The following TTC9 variants were observed in gnomAD, a reference collection of about 807,000 sequenced individuals.
The protein encoded by TTC9 is tetratricopeptide repeat domain 9, also known as tetratricopeptide repeat protein 9A.
TTC9 carries 13 observed loss-of-function variants against 22.9 expected under a neutral mutation model. The observed-to-expected ratio is 0.57, with a 90% CI of 0.37 to 0.90. TTC9 has a LOEUF of 0.90. TTC9 is among the 40% of genes least tolerant of loss of function. The pLI is 0.01. For missense variants in TTC9, 280 were observed against 291.8 expected, an observed-to-expected ratio of 0.96 and a Z score of 0.29; for synonymous variants, 148 against 133.2, an observed-to-expected ratio of 1.11 and a Z score of -0.77.
At position 70,667,697 on chromosome 14, in the gene TTC9, T is replaced by C; in HGVS notation, c.540T>C (p.Tyr180=). The C allele has an allele frequency of 6.2e-7, 1 of 1,613,254 alleles. No homozygotes were observed. The highest frequency in any genetic ancestry group is 8.5e-7 in the Non-Finnish European group (1 of 1,179,532). The change falls in exon 2 of 3, where the codon TAT becomes TAC. Residue 180 remains tyrosine (Y), a synonymous_variant. Coordinates refer to ENST00000256367, the MANE Select transcript of TTC9 (RefSeq NM_015351.2). ...TGGCCTTCTACCACCTTGGGGACTA[T>C]GACAAAGCACTCTACTACCTGAAAG... is the stretch of plus-strand genomic sequence containing the variant. ...SGVAFYHLGD[Y]DKALYYLKEA... is the part of the protein sequence containing the mutation.
chr14:70,642,600 C>T, intron 1 of TTC9, 65 bp downstream of exon 1: 1 of 1,421,310 alleles, frequency 7.0e-7, no homozygotes, highest in Non-Finnish European at 9.4e-7. Flanking sequence ...CCGCGGACCA[C>T]TGCGGCGCTC....
chr14:70,642,300 G>A lies in TTC9; in HGVS notation c.171G>A (p.Ala57=), dbSNP rs779685717. 10 of 1,548,318 alleles carry A rather than the reference G, an allele frequency of 6.5e-6. No individual in the cohort carries two copies. ...AAEPAELIRR[A]HEFKSQGAQC... Reference sequence around the variant, plus strand: ...AGCCGGCCGAGCTCATCCGACGAGCGCACGAGTTCAAAAGCCAAGGGGCGC... The same window carrying A: ...AGCCGGCCGAGCTCATCCGACGAGCACACGAGTTCAAAAGCCAAGGGGCGC... The change falls in exon 1 of 3, where the codon GCG becomes GCA. Residue 57 remains alanine (A), a synonymous_variant. Transcript: ENST00000256367.
intron 1 of TTC9, among the ~76,000 whole-genome samples, chr14:70,660,165 G>A (rs1249328734): frequency 6.6e-6 from 1 of 152,156 alleles, no homozygotes; most frequent in African/African-American, 2.4e-5. Context: ...CTTGGCCGGG[G>A]TTCTTATTCT....
At chr14:70,643,861 G>T (rs537483791) in intron 1 of TTC9, among the ~76,000 whole-genome samples, 11 of 152,294 alleles carry the variant, frequency 7.2e-5, no homozygotes, top group Non-Finnish European at 1.5e-4. Context: ...CAGACTTAAA[G>T]GATTAATAGA....
chr14:70,668,419 G>A (rs997091829), intron 2 of TTC9, among the ~76,000 whole-genome samples: 8 of 152,188 alleles, frequency 5.3e-5, no homozygotes, highest in African/African-American at 1.7e-4. Flanking sequence ...GTGGAGAGGG[G>A]ACAGAACCCA....
intron 2 of TTC9, among the ~76,000 whole-genome samples, chr14:70,668,182 G>A (rs1198870086): frequency 6.6e-6 from 1 of 152,182 alleles, no homozygotes; most frequent in Non-Finnish European, 1.5e-5. Context: ...GCACCTTTCA[G>A]GAAGCATGCT....
intron 2 of TTC9, among the ~76,000 whole-genome samples, chr14:70,668,370 A>G (rs1308908507): frequency 6.6e-6 from 1 of 152,206 alleles, no homozygotes; most frequent in Non-Finnish European, 1.5e-5. Flanking sequence ...AGCTTATATT[A>G]TAATGGCTCA....
chr14:70,666,901 G>A (rs1481855268), intron 1 of TTC9, among the ~76,000 whole-genome samples: 1 of 152,166 alleles, frequency 6.6e-6, no homozygotes, highest in Non-Finnish European at 1.5e-5. Context: ...ATTGCCTCTG[G>A]TAGCTTATTC....
At chr14:70,646,664 C>T (rs1885905993) in intron 1 of TTC9, among the ~76,000 whole-genome samples, 1 of 152,298 alleles carries the variant, frequency 6.6e-6, no homozygotes, top group African/African-American at 2.4e-5. Flanking sequence ...GGATAAGCCC[C>T]TGCCATTTTA....
chr14:70,667,434 C>G (rs1886230537), intron 1 of TTC9, 130 bp from the exon 2 acceptor site: 1 of 929,720 alleles, frequency 1.1e-6, no homozygotes, highest in Non-Finnish European at 1.6e-6. Context: ...TATTGGAAGA[C>G]AAATCCCAAG....
At chr14:70,654,587 C>CAAAAAAAAAAAAAAAAAAAAAAAAAA (rs61046584) in intron 1 of TTC9, among the ~76,000 whole-genome samples, 1 of 57,166 alleles carries the variant, frequency 1.7e-5, no homozygotes, top group Non-Finnish European at 3.1e-5. Context: ...GGCTCTGTCT[C>CAAAAAAAAAAAAAAAAAAAAAAAAAA]AAAAAAAAAA....
chr14:70,654,289 A>G (rs1337626827), intron 1 of TTC9, among the ~76,000 whole-genome samples: 1 of 152,032 alleles, frequency 6.6e-6, no homozygotes, highest in Non-Finnish European at 1.5e-5. Context: ...GTTAGTGGTG[A>G]CTTTTTAAAA....
Position 70,641,986 on chromosome 14 carries a change from C to T in TTC9, c.-144C>T. On this transcript the variant is annotated 5_prime_UTR_variant, in exon 1 of 3. Coordinates refer to ENST00000256367, the MANE Select transcript of TTC9 (RefSeq NM_015351.2). The stretch of plus-strand genomic sequence containing the variant: ...CGGGGAGAATGGGAGTGCGGGGCGC[C>T]AGACCGCCGCGGGGTGTCACGGCCG... 2.3e-6 allele frequency: 1 copy of T among 436,626 alleles called. No homozygotes were observed. The highest frequency in any genetic ancestry group is 3.1e-6 in the Non-Finnish European group (1 of 325,528). The allele number at this position is 436,626 out of a possible 1,614,324, so 27.0% of individuals were successfully genotyped here.
intron 2 of TTC9, among the ~76,000 whole-genome samples, chr14:70,670,222 T>C (rs1886272806): frequency 6.6e-6 from 1 of 152,242 alleles, no homozygotes. Flanking sequence ...TGTGTCTCCT[T>C]GGCATCTGAC....
chr14:70,645,067 G>A (rs772257874), intron 1 of TTC9, among the ~76,000 whole-genome samples: 6 of 152,018 alleles, frequency 3.9e-5, no homozygotes, highest in African/African-American at 7.3e-5. Context: ...AGCCGAGATC[G>A]TGCCACTGTA....
chr14:70,659,132 G>GCGCGCGCACACACACACACACACA (rs762892061), intron 1 of TTC9, among the ~76,000 whole-genome samples: 1 of 144,226 alleles, frequency 6.9e-6, no homozygotes, highest in African/African-American at 2.6e-5. Context: ...ACACACACAC[G>GCGCGCGCACACACACACACACACA]CACACACACA....
chr14:70,667,467 C>T (rs1414315623), intron 1 of TTC9, 97 bp from the exon 2 acceptor site: 1 of 1,373,100 alleles, frequency 7.3e-7, no homozygotes, highest in Non-Finnish European at 1.0e-6. Flanking sequence ...GTGGAAAACC[C>T]CAACCCTGCT....
At chr14:70,659,132 G>GCACACA (rs71105721) in intron 1 of TTC9, among the ~76,000 whole-genome samples, 33 of 144,324 alleles carry the variant, frequency 2.3e-4, no homozygotes, top group African/African-American at 7.2e-4. Flanking sequence ...ACACACACAC[G>GCACACA]CACACACACA....
chr14:70,655,890 A>G (rs1322621829), intron 1 of TTC9, among the ~76,000 whole-genome samples: 2 of 152,058 alleles, frequency 1.3e-5, no homozygotes, highest in African/African-American at 4.8e-5. Flanking sequence ...CAAATGGACC[A>G]CTCACATTTT....
Sources: gnomAD v4.1 joint callset for allele counts (sites outside exome capture counted in the v4.1 genomes callset) on GRCh38, gnomAD v4.1.1 for gene constraint, MANE v1.5 for transcripts, NCBI Gene and HGNC (gene_info 2026-07-23, HGNC 2026-07-21) for gene names.